The following ZFAT variants were observed in gnomAD, a reference collection of about 807,000 sequenced individuals.
The protein encoded by ZFAT is zinc finger and AT-hook domain containing.
ZFAT carries 64 observed loss-of-function variants against 117.7 expected under a neutral mutation model. The observed-to-expected ratio is 0.54, with a 90% CI of 0.44 to 0.67. The LOEUF (loss-of-function observed/expected upper bound fraction) is 0.67, where lower values mean the gene tolerates loss of function less well. ZFAT is among the 30% of genes least tolerant of loss of function. The pLI is 0.00. For missense variants in ZFAT, 1,433 were observed against 1,584.5 expected, an observed-to-expected ratio of 0.90 and a Z score of 1.62; for synonymous variants, 679 against 615.0, an observed-to-expected ratio of 1.10 and a Z score of -1.54.
chr8:134,581,305 T>C (rs976172773), intron 10 of ZFAT, among the ~76,000 whole-genome samples: 1 of 151,952 alleles, frequency 6.6e-6, no homozygotes, highest in Non-Finnish European at 1.5e-5. Context: ...GAAACACAAA[T>C]AATGAAGTAC....
intron 14 of ZFAT, among the ~76,000 whole-genome samples, chr8:134,512,117 A>G (rs772931421): frequency 3.3e-5 from 5 of 152,182 alleles, no homozygotes; most frequent in Non-Finnish European, 7.3e-5. Context: ...ACCACTAACA[A>G]CCATTAACCA....
the ZFAT span, among the ~76,000 whole-genome samples, chr8:134,743,987 C>T: frequency 6.6e-6 from 1 of 152,190 alleles, no homozygotes; most frequent in Non-Finnish European, 1.5e-5. Flanking sequence ...CTTGCTCCTC[C>T]GTTTGTTTTC....
intron 13 of ZFAT, among the ~76,000 whole-genome samples, chr8:134,517,691 A>G (rs995550757): frequency 1.3e-5 from 2 of 152,226 alleles, no homozygotes; most frequent in South Asian, 4.1e-4. Flanking sequence ...ACATTTAGCC[A>G]TCATGCCTCC....
chr8:134,545,623 C>A (rs1822639979), intron 11 of ZFAT, among the ~76,000 whole-genome samples: 1 of 152,110 alleles, frequency 6.6e-6, no homozygotes, highest in African/African-American at 2.4e-5. Flanking sequence ...GTAAGGCCAC[C>A]CATGTATGCA....
intron 2 of ZFAT, among the ~76,000 whole-genome samples, chr8:134,653,419 GTTTTTTTTTT>G (rs61711569): frequency 5.8e-5 from 3 of 51,332 alleles, no homozygotes; most frequent in East Asian, 7.6e-4. Flanking sequence ...CGTTTTATCT[GTTTTTTTTTT>G]TTTTTTTTTT....
At chr8:134,526,845 T>G (rs1272222912) in intron 12 of ZFAT, among the ~76,000 whole-genome samples, 3 of 152,030 alleles carry the variant, frequency 2.0e-5, no homozygotes, top group African/African-American at 7.2e-5. Flanking sequence ...TTTTTTTTAT[T>G]TTTTATTTTT....
At chr8:134,565,495 G>C (rs748562296) in intron 10 of ZFAT, 74 bp from the exon 11 acceptor site, 1 of 1,396,912 alleles carries the variant, frequency 7.2e-7, no homozygotes, top group Admixed American at 1.8e-5. Flanking sequence ...GCCAGGCATG[G>C]AGCCAGGTAC....
At chr8:134,598,555 G>A (rs1398275213) in intron 7 of ZFAT, 2 of 152,322 alleles carry the variant, frequency 1.3e-5, no homozygotes, top group African/African-American at 4.8e-5. Flanking sequence ...GTGGCCAGGA[G>A]GCCGAGCATC....
intron 15 of ZFAT, among the ~76,000 whole-genome samples, chr8:134,506,112 C>T (rs1819385842): frequency 6.6e-6 from 1 of 152,192 alleles, no homozygotes; most frequent in African/African-American, 2.4e-5. Context: ...CTCAGAGATG[C>T]TCATGATAGC....
At chr8:134,490,182 CAT>C (rs1210346355) in intron 15 of ZFAT, among the ~76,000 whole-genome samples, 2 of 152,220 alleles carry the variant, frequency 1.3e-5, no homozygotes, top group African/African-American at 2.4e-5. Flanking sequence ...ATGCCACAAA[CAT>C]AGATGGGAGA....
Position 134,585,049 on chromosome 8 carries a change from A to C in ZFAT, c.2714-1044T>G, listed in dbSNP as rs193124618. ...GAGATGAAGTAATAATCTAACCATA[A>C]GTGTCAACAGGCTGTGTGCCCTTGA... On this transcript the variant is annotated intron_variant, in intron 9 of 15. Transcript: ENST00000377838. Among the ~76,000 whole-genome samples the C allele has an allele frequency of 4.7e-3, 717 of 152,228 alleles. 1 individual carries two copies. The highest frequency in any genetic ancestry group is 7.6e-3 in the Non-Finnish European group (517 of 68,016).
intron 9 of ZFAT, among the ~76,000 whole-genome samples, chr8:134,585,162 C>T (rs1201402657): frequency 2.0e-5 from 3 of 152,188 alleles, no homozygotes; most frequent in Non-Finnish European, 4.4e-5. Context: ...CCAGATCCCT[C>T]GTTCTGGGTT....
intron 11 of ZFAT, 145 bp downstream of exon 11, chr8:134,565,188 C>T: frequency 6.5e-7 from 1 of 1,536,942 alleles, no homozygotes; most frequent in Non-Finnish European, 8.7e-7. Context: ...TGCACTATGC[C>T]TCAGACTCCA....
At chr8:134,783,097 T>G in the ZFAT span, among the ~76,000 whole-genome samples, 3 of 152,214 alleles carry the variant, frequency 2.0e-5, no homozygotes, top group Non-Finnish European at 4.4e-5. Flanking sequence ...GTCACATAAA[T>G]AATACACTAT....
In ZFAT at chr8:134,632,554, C is replaced by A. The variant is rs1024146120; in HGVS notation, c.448+4907G>T. Among the ~76,000 whole-genome samples the A allele has an allele frequency of 3.9e-5, 6 of 152,038 alleles. 1 individual carries two copies. In the South Asian group the frequency reaches 6.2e-4, roughly 16 times the overall value. On this transcript the variant is annotated intron_variant, in intron 3 of 15. Transcript: ENST00000377838. ...AAATGAATCAAAGATATACATAAAA[C>A]CATACAGATAACAGAGAAACAGAAG...
At chr8:134,814,140 C>T in the ZFAT span, among the ~76,000 whole-genome samples, 1 of 152,170 alleles carries the variant, frequency 6.6e-6, no homozygotes, top group Non-Finnish European at 1.5e-5. Flanking sequence ...AGTAGTGCTA[C>T]TTTATCTACT....
chr8:134,608,984 C>A, intron 4 of ZFAT, 105 bp from the exon 5 acceptor site: 2 of 1,322,696 alleles, frequency 1.5e-6, no homozygotes, highest in African/African-American at 1.5e-5. Context: ...TCTATACTGT[C>A]TGATACCCAC....
chr8:134,787,175 G>C, the ZFAT span, among the ~76,000 whole-genome samples: 9 of 152,092 alleles, frequency 5.9e-5, no homozygotes, highest in African/African-American at 1.9e-4. Flanking sequence ...GATTAATTTT[G>C]CCAGGCGAGT....
the ZFAT span, among the ~76,000 whole-genome samples, chr8:134,813,968 A>ATATTTTTTG: frequency 1.3e-5 from 2 of 152,184 alleles, no homozygotes; most frequent in African/African-American, 4.8e-5. Flanking sequence ...TGTGGGAGAC[A>ATATTTTTTG]AAAAGTTAAT....
Sources: gnomAD v4.1 joint callset for allele counts (sites outside exome capture counted in the v4.1 genomes callset) on GRCh38, gnomAD v4.1.1 for gene constraint, MANE v1.5 for transcripts, NCBI Gene and HGNC (gene_info 2026-07-23, HGNC 2026-07-21) for gene names.